The following ARB2A variants were observed in gnomAD, a reference collection of about 807,000 sequenced individuals.
ARB2A encodes ARB2 cotranscriptional regulator A.
chr5:93,975,791 C>G, the ARB2A span, among the ~76,000 whole-genome samples: 2 of 151,996 alleles, frequency 1.3e-5, no homozygotes, highest in African/African-American at 4.8e-5. Flanking sequence ...AAAAAAACTA[C>G]CAACCAAAAA....
the ARB2A span, among the ~76,000 whole-genome samples, chr5:94,087,658 TACTC>T: frequency 3.9e-5 from 6 of 152,318 alleles, no homozygotes; most frequent in African/African-American, 7.2e-5. Flanking sequence ...ACCACTCACT[TACTC>T]ACTCAGAGCA....
At chr5:93,897,052 T>C in the ARB2A span, among the ~76,000 whole-genome samples, 1 of 152,010 alleles carries the variant, frequency 6.6e-6, no homozygotes, top group East Asian at 1.9e-4. Flanking sequence ...AGGGAAAGTA[T>C]AGGTTGGCAT....
the ARB2A span, among the ~76,000 whole-genome samples, chr5:93,878,524 C>T: frequency 1.3e-5 from 2 of 151,862 alleles, no homozygotes; most frequent in Admixed American, 6.6e-5. Flanking sequence ...GGGGCAGGGT[C>T]CTCAGACTGA....
At chr5:93,731,071 A>T in the ARB2A span, among the ~76,000 whole-genome samples, 1 of 152,116 alleles carries the variant, frequency 6.6e-6, no homozygotes, top group East Asian at 1.9e-4. Flanking sequence ...AGGAAACAAC[A>T]AAGTCTCTCT....
At chr5:93,924,902 T>G in the ARB2A span, among the ~76,000 whole-genome samples, 1 of 152,156 alleles carries the variant, frequency 6.6e-6, no homozygotes, top group Non-Finnish European at 1.5e-5. Context: ...TCATCACTCA[T>G]GCACAGACTC....
At chr5:93,853,056 C>T in the ARB2A span, among the ~76,000 whole-genome samples, 1 of 152,152 alleles carries the variant, frequency 6.6e-6, no homozygotes, top group East Asian at 1.9e-4. Context: ...GCAGTATGGC[C>T]ATTTTCATGA....
chr5:93,985,033 T>C, the ARB2A span, among the ~76,000 whole-genome samples: 2 of 152,206 alleles, frequency 1.3e-5, no homozygotes, highest in African/African-American at 2.4e-5. Flanking sequence ...CCGTTTCTTA[T>C]ACATCCTTTT....
the ARB2A span, among the ~76,000 whole-genome samples, chr5:93,830,311 G>GTGTATGTGTGTGTATATATATATA: frequency 2.4e-4 from 20 of 82,252 alleles, no homozygotes; most frequent in Non-Finnish European, 3.3e-4. Context: ...GTGTGTGTGT[G>GTGTATGTGTGTGTATATATATATA]TATATATATA....
the ARB2A span, among the ~76,000 whole-genome samples, chr5:93,818,847 A>C: frequency 6.6e-6 from 1 of 152,184 alleles, no homozygotes. Flanking sequence ...GTCAATATTT[A>C]AATGCAGAGT....
the ARB2A span, among the ~76,000 whole-genome samples, chr5:93,920,187 A>G: frequency 6.6e-6 from 1 of 152,126 alleles, no homozygotes; most frequent in African/African-American, 2.4e-5. Flanking sequence ...GTACTGGCAC[A>G]TTGTTTGCGT....
At chr5:94,069,966 A>G in the ARB2A span, among the ~76,000 whole-genome samples, 2 of 152,212 alleles carry the variant, frequency 1.3e-5, no homozygotes, top group African/African-American at 4.8e-5. Flanking sequence ...GAATCAGTAT[A>G]TCTAAAGGAT....
chr5:93,966,275 T>G, the ARB2A span, among the ~76,000 whole-genome samples: 1 of 152,084 alleles, frequency 6.6e-6, no homozygotes, highest in African/African-American at 2.4e-5. Flanking sequence ...CCAATGAAAT[T>G]TAATCCAAAT....
the ARB2A span, among the ~76,000 whole-genome samples, chr5:94,081,667 T>C: frequency 8.5e-5 from 13 of 152,278 alleles, no homozygotes; most frequent in African/African-American, 2.4e-4. Flanking sequence ...AAATAGGAAG[T>C]TGACTAATAG....
chr5:93,722,934 TCAA>T, the ARB2A span, among the ~76,000 whole-genome samples: 1 of 152,190 alleles, frequency 6.6e-6, no homozygotes, highest in Non-Finnish European at 1.5e-5. Context: ...TTAAATGTTC[TCAA>T]CAAATCATAT....
chr5:94,013,887 T>C, the ARB2A span, among the ~76,000 whole-genome samples: 1 of 152,178 alleles, frequency 6.6e-6, no homozygotes, highest in African/African-American at 2.4e-5. Flanking sequence ...ATTGGACTTC[T>C]ATTTCTGTGA....
At chr5:94,045,936 A>G in the ARB2A span, among the ~76,000 whole-genome samples, 3 of 152,212 alleles carry the variant, frequency 2.0e-5, no homozygotes, top group African/African-American at 7.2e-5. Context: ...AAATGGGAAG[A>G]AAAGAAATCA....
chr5:93,808,449 G>GA, the ARB2A span, among the ~76,000 whole-genome samples: 1 of 146,424 alleles, frequency 6.8e-6, no homozygotes, highest in Non-Finnish European at 1.5e-5. Flanking sequence ...TTTGAACAAA[G>GA]AAAAAAATAA....
chr5:93,620,988 TAC>T, the ARB2A span: 18 of 1,608,520 alleles, frequency 1.1e-5, no homozygotes, highest in Non-Finnish European at 1.4e-5. Context: ...TCGCTCCTCT[TAC>T]AGCTCTTCGT....
chr5:93,736,833 C>T, the ARB2A span: 1 of 152,010 alleles, frequency 6.6e-6, no homozygotes, highest in Non-Finnish European at 1.5e-5. Context: ...ATGAAAAAGC[C>T]AGAGCTAATG....
Sources: gnomAD v4.1 joint callset for allele counts (sites outside exome capture counted in the v4.1 genomes callset) on GRCh38, gnomAD v4.1.1 for gene constraint, MANE v1.5 for transcripts, NCBI Gene and HGNC (gene_info 2026-07-23, HGNC 2026-07-21) for gene names.